The following TEAD1 variants were observed in gnomAD, a reference collection of about 807,000 sequenced individuals.
The protein encoded by TEAD1 is transcriptional enhancer factor TEF-1.
TEAD1 carries 9 observed loss-of-function variants against 54.9 expected under a neutral mutation model. The ratio of observed to expected loss-of-function variants is 0.16; its 90% CI spans 0.10 to 0.29. TEAD1 has a LOEUF of 0.29. TEAD1 is among the 10% of genes least tolerant of loss of function. The pLI, the probability that TEAD1 is intolerant of heterozygous loss-of-function variation, is 1.00. For missense variants in TEAD1, 387 were observed against 535.9 expected, an observed-to-expected ratio of 0.72 and a Z score of 2.74; for synonymous variants, 200 against 187.8, an observed-to-expected ratio of 1.07 and a Z score of -0.53.
intron 2 of TEAD1, among the ~76,000 whole-genome samples, chr11:12,723,171 A>G (rs1029178072): frequency 6.6e-6 from 1 of 152,208 alleles, no homozygotes; most frequent in Admixed American, 6.5e-5. Flanking sequence ...TGATGCCACC[A>G]GCAGTGCGTG....
chr11:12,688,722 C>T (rs1265223509), intron 2 of TEAD1, among the ~76,000 whole-genome samples: 3 of 152,186 alleles, frequency 2.0e-5, no homozygotes, highest in Non-Finnish European at 2.9e-5. Context: ...TTGTTTCCTC[C>T]TCTGCAAAAT....
rs1949159403 is a variant in TEAD1, at chr11:12,941,216, C to G, written c.*3994C>G. ...GCCTCACCGGATGCTGCTTCCCACACTGAAGTGTCCTGTCCGACCATTGCT... is the reference window on the plus strand; with the variant it reads ...GCCTCACCGGATGCTGCTTCCCACAGTGAAGTGTCCTGTCCGACCATTGCT... On this transcript the variant is annotated 3_prime_UTR_variant, in exon 13 of 13. Coordinates refer to ENST00000527636, the MANE Select transcript of TEAD1 (RefSeq NM_021961.6). 1 of 152,260 alleles carries G rather than the reference C, an allele frequency of 6.6e-6. No individual in the cohort carries two copies. Among genetic ancestry groups the G allele is most frequent in the African/African-American group, 2.4e-5 (1 of 41,452 alleles). 9.4% of individuals were successfully genotyped at this position (152,260 alleles called of 1,614,324 possible). A position where few individuals can be genotyped will look rare whatever the true frequency, so the allele number is the denominator to read the frequency against.
At chr11:12,826,521 G>A (rs1484265300) in intron 3 of TEAD1, among the ~76,000 whole-genome samples, 1 of 152,154 alleles carries the variant, frequency 6.6e-6, no homozygotes, top group African/African-American at 2.4e-5. Context: ...ATAGACATAA[G>A]TGAGAGTAAT....
At chr11:12,707,114 CTTTTTTT>C (rs11366620) in intron 2 of TEAD1, among the ~76,000 whole-genome samples, 3 of 76,282 alleles carry the variant, frequency 3.9e-5, no homozygotes, top group African/African-American at 5.2e-5. Flanking sequence ...ACTTGTGGGA[CTTTTTTT>C]TTTTTTTTTT....
Position 12,824,529 on chromosome 11 carries a change from C to A in TEAD1, c.203-37721C>A, listed in dbSNP as rs551218123. On this transcript the variant is annotated intron_variant, in intron 3 of 12. Transcript: ENST00000527636. ...CTTTCAAACAATGTTGGATACTGCCCGATTGTTTCCATCCGGGAACCAAGT... is the reference window on the plus strand; with the variant it reads ...CTTTCAAACAATGTTGGATACTGCCAGATTGTTTCCATCCGGGAACCAAGT... Among the ~76,000 whole-genome samples, 5 of 152,318 alleles carry A rather than the reference C, an allele frequency of 3.3e-5. No individual in the cohort carries two copies. The South Asian group carries it at 8.3e-4, about 25-fold the overall frequency.
chr11:12,920,842 CATAG>C (rs1370007400), intron 10 of TEAD1, among the ~76,000 whole-genome samples: 2 of 152,200 alleles, frequency 1.3e-5, no homozygotes, highest in Non-Finnish European at 2.9e-5. Flanking sequence ...TGGGAAGCAT[CATAG>C]ATATTCATCA....
At chr11:12,783,095 G>GTGTGT (rs1554933010) in intron 3 of TEAD1, among the ~76,000 whole-genome samples, 2 of 121,700 alleles carry the variant, frequency 1.6e-5, no homozygotes, top group African/African-American at 6.8e-5. Flanking sequence ...ACCAGGTAAG[G>GTGTGT]GTTTGTGTGT....
At chr11:12,923,514 T>C (rs1362295355) in intron 10 of TEAD1, among the ~76,000 whole-genome samples, 1 of 152,174 alleles carries the variant, frequency 6.6e-6, no homozygotes, top group South Asian at 2.1e-4. Flanking sequence ...TTTGCTTTTT[T>C]TATCCGCAGC....
At chr11:12,877,662 A>G (rs1271859628) in intron 5 of TEAD1, among the ~76,000 whole-genome samples, 1 of 151,604 alleles carries the variant, frequency 6.6e-6, no homozygotes, top group Non-Finnish European at 1.5e-5. Flanking sequence ...TCCATCTCAA[A>G]AAAAAAAAAG....
At chr11:12,936,546 A>G (rs1949102864) in intron 12 of TEAD1, among the ~76,000 whole-genome samples, 2 of 152,172 alleles carry the variant, frequency 1.3e-5, no homozygotes, top group Non-Finnish European at 2.9e-5. Context: ...CTAGGATGGG[A>G]AAAAGAGTGG....
chr11:12,901,828 A>C, intron 9 of TEAD1, 112 bp from the exon 10 acceptor site: 6 of 1,208,214 alleles, frequency 5.0e-6, no homozygotes, highest in Non-Finnish European at 7.4e-6. Flanking sequence ...CCTGGACTGG[A>C]AGGCCTAATT....
At chr11:12,743,838 G>C (rs1263730918) in intron 2 of TEAD1, among the ~76,000 whole-genome samples, 1 of 152,190 alleles carries the variant, frequency 6.6e-6, no homozygotes, top group Non-Finnish European at 1.5e-5. Flanking sequence ...CAGGCCCCTT[G>C]ATTTGCCGGA....
At chr11:12,690,964 T>G (rs2133823846) in intron 2 of TEAD1, among the ~76,000 whole-genome samples, 1 of 152,310 alleles carries the variant, frequency 6.6e-6, no homozygotes, top group Non-Finnish European at 1.5e-5. Context: ...TCACTCAGGC[T>G]GGTCTGAAAC....
chr11:12,731,863 C>A (rs1944431773), intron 2 of TEAD1, among the ~76,000 whole-genome samples: 1 of 152,174 alleles, frequency 6.6e-6, no homozygotes, highest in Admixed American at 6.5e-5. Context: ...CGTTTGCTGT[C>A]TTAAAATCTG....
At chr11:12,833,531 G>A (rs531978129) in intron 3 of TEAD1, among the ~76,000 whole-genome samples, 4 of 151,902 alleles carry the variant, frequency 2.6e-5, no homozygotes, top group African/African-American at 9.7e-5. Context: ...CAATAGACTG[G>A]GCATGTAAAA....
intron 2 of TEAD1, among the ~76,000 whole-genome samples, chr11:12,717,924 C>T (rs568453282): frequency 1.1e-4 from 16 of 152,322 alleles, no homozygotes; most frequent in Admixed American, 7.2e-4. Context: ...GTACCTTCCT[C>T]ATAGGGCTGT....
At chr11:12,823,023 T>C (rs1206379587) in intron 3 of TEAD1, among the ~76,000 whole-genome samples, 1 of 152,218 alleles carries the variant, frequency 6.6e-6, no homozygotes, top group East Asian at 1.9e-4. Context: ...GTATTTGGTT[T>C]TGTTTTTTTG....
chr11:12,835,235 A>C (rs940047317), intron 3 of TEAD1, among the ~76,000 whole-genome samples: 6 of 152,126 alleles, frequency 3.9e-5, no homozygotes, highest in African/African-American at 1.4e-4. Context: ...CTGGTTTGGG[A>C]TAGATTCCTG....
At chr11:12,860,720 A>G (rs2134065440) in intron 3 of TEAD1, among the ~76,000 whole-genome samples, 1 of 152,352 alleles carries the variant, frequency 6.6e-6, no homozygotes. Context: ...CTCTTCAAGT[A>G]TGCAGTATAT....
Sources: gnomAD v4.1 joint callset for allele counts (sites outside exome capture counted in the v4.1 genomes callset) on GRCh38, gnomAD v4.1.1 for gene constraint, MANE v1.5 for transcripts, NCBI Gene and HGNC (gene_info 2026-07-23, HGNC 2026-07-21) for gene names.